SNTG2: variants seen among roughly 807,000 people sequenced by gnomAD.
The protein encoded by SNTG2 is syntrophin gamma 2, also known as gamma-2-syntrophin.
Under a neutral mutation model 70.9 loss-of-function variants are expected in SNTG2, and 74 were observed. The ratio of observed to expected loss-of-function variants is 1.04; its 90% CI spans 0.86 to 1.27. The LOEUF is 1.27. SNTG2 is among the 50% of genes most tolerant of loss of function. The pLI is 0.00. For synonymous variants in SNTG2, 278 were observed against 273.8 expected, an observed-to-expected ratio of 1.02 and a Z score of -0.15; for missense variants, 717 against 690.7, an observed-to-expected ratio of 1.04 and a Z score of -0.43.
At chr2:1,201,883 A>G (rs914036012) in intron 8 of SNTG2, among the ~76,000 whole-genome samples, 2 of 152,072 alleles carry the variant, frequency 1.3e-5, no homozygotes, top group South Asian at 4.1e-4. Flanking sequence ...AATAGGAGTG[A>G]ACATGAAGCA....
At chr2:1,036,824 C>A (rs1292266788) in intron 1 of SNTG2, among the ~76,000 whole-genome samples, 1 of 152,192 alleles carries the variant, frequency 6.6e-6, no homozygotes, top group African/African-American at 2.4e-5. Flanking sequence ...CCTTGCCCAG[C>A]GTTTGTCTTG....
chr2:1,195,866 C>T (rs376109391), intron 8 of SNTG2, among the ~76,000 whole-genome samples: 11 of 151,694 alleles, frequency 7.3e-5, no homozygotes, highest in East Asian at 1.9e-4. Context: ...ACTATTTTCC[C>T]GGGTTTAGTG....
At chr2:1,076,932 A>C (rs1041090021) in intron 1 of SNTG2, among the ~76,000 whole-genome samples, 6 of 152,350 alleles carry the variant, frequency 3.9e-5, no homozygotes, top group African/African-American at 1.4e-4. Flanking sequence ...CTATGTTTAC[A>C]TGTATATATG....
At chr2:1,182,152 G>T (rs1671947232) in intron 8 of SNTG2, among the ~76,000 whole-genome samples, 1 of 152,108 alleles carries the variant, frequency 6.6e-6, no homozygotes, top group Admixed American at 6.6e-5. Flanking sequence ...CCTTCACTCA[G>T]TGTTCTGGGT....
At chr2:1,212,683 A>T (rs575733131) in intron 9 of SNTG2, among the ~76,000 whole-genome samples, 1 of 152,194 alleles carries the variant, frequency 6.6e-6, no homozygotes, top group African/African-American at 2.4e-5. Context: ...GTTCTGAAAC[A>T]TATTTGTGCA....
intron 9 of SNTG2, among the ~76,000 whole-genome samples, chr2:1,222,222 C>G (rs1333234462): frequency 6.6e-6 from 1 of 151,952 alleles, no homozygotes; most frequent in Non-Finnish European, 1.5e-5. Flanking sequence ...CTTTTCACCT[C>G]TGAGGATTAT....
At chr2:966,668 C>T (rs1026319679) in intron 1 of SNTG2, among the ~76,000 whole-genome samples, 9 of 152,062 alleles carry the variant, frequency 5.9e-5, no homozygotes, top group South Asian at 2.1e-4. Flanking sequence ...ATAGTTTGGC[C>T]GGGCGCGGTG....
chr2:1,156,257 A>G (rs1669890605), intron 6 of SNTG2, among the ~76,000 whole-genome samples: 1 of 152,208 alleles, frequency 6.6e-6, no homozygotes. Context: ...GCAGAGGCTC[A>G]AAGGGAGGGA....
At chr2:1,333,331 G>T (rs936176210) in intron 16 of SNTG2, among the ~76,000 whole-genome samples, 2 of 152,110 alleles carry the variant, frequency 1.3e-5, no homozygotes, top group Non-Finnish European at 2.9e-5. Flanking sequence ...ACATCTCATG[G>T]TTATGAATGG....
intron 14 of SNTG2, among the ~76,000 whole-genome samples, chr2:1,305,273 A>C (rs77344642): frequency 0.01 from 1,579 of 152,362 alleles, 27 homozygotes; most frequent in African/African-American, 0.036. Context: ...TGACTACACC[A>C]AATGAGTTAC....
chr2:1,248,974 G>A (rs73175939), intron 12 of SNTG2, among the ~76,000 whole-genome samples: 1,907 of 152,342 alleles, frequency 0.013, 33 homozygotes, highest in African/African-American at 0.043. Context: ...CTTCACGGAA[G>A]TTATGTCCTG....
At chr2:1,113,390 G>A (rs1666657826) in intron 4 of SNTG2, among the ~76,000 whole-genome samples, 1 of 151,654 alleles carries the variant, frequency 6.6e-6, no homozygotes, top group South Asian at 2.1e-4. Flanking sequence ...AGGATCGTGT[G>A]TACTAAGGTT....
chr2:1,195,869 G>A (rs1248923885), intron 8 of SNTG2, among the ~76,000 whole-genome samples: 1 of 151,772 alleles, frequency 6.6e-6, no homozygotes, highest in Non-Finnish European at 1.5e-5. Context: ...ATTTTCCCGG[G>A]TTTAGTGATT....
intron 14 of SNTG2, among the ~76,000 whole-genome samples, chr2:1,281,318 T>TGTGG (rs1679516396): frequency 2.9e-3 from 4 of 1,366 alleles, no homozygotes; most frequent in Non-Finnish European, 5.4e-3. Flanking sequence ...GTGTGTGTGT[T>TGTGG]TGTGTGGTGT....
At chr2:1,123,117 T>C (rs950534402) in intron 4 of SNTG2, among the ~76,000 whole-genome samples, 1 of 152,152 alleles carries the variant, frequency 6.6e-6, no homozygotes. Flanking sequence ...TCATCATAAT[T>C]AATATTGCTA....
rs919133714 is a variant in SNTG2 at position 993,066 on chromosome 2, G to C, written c.72+41998G>C. ...TTGGTCATACAGTTGGTCTTTTGTG[G>C]GTTCTTTTTTTTTTTTTTTTTATTA... On this transcript the variant is annotated intron_variant, in intron 1 of 16. Coordinates refer to ENST00000308624, the MANE Select transcript of SNTG2 (RefSeq NM_018968.4). Among the ~76,000 whole-genome samples, 219 of 98,476 alleles carry C rather than the reference G, an allele frequency of 2.2e-3. No homozygotes were observed. In the Middle Eastern group the frequency reaches 0.023, roughly 10 times the overall value. The allele number at this position is 98,476 out of a possible 152,430, so 64.6% of individuals were successfully genotyped here.
chr2:1,302,770 G>A (rs1680513441), intron 14 of SNTG2, among the ~76,000 whole-genome samples: 1 of 152,168 alleles, frequency 6.6e-6, no homozygotes, highest in African/African-American at 2.4e-5. Flanking sequence ...TAACCATGTA[G>A]ATGGTTTGAA....
At chr2:1,005,208 G>A (rs148155003) in intron 1 of SNTG2, among the ~76,000 whole-genome samples, 1 of 152,302 alleles carries the variant, frequency 6.6e-6, no homozygotes, top group Non-Finnish European at 1.5e-5. Flanking sequence ...AGGATGTTCA[G>A]GGCAGTGAAA....
intron 6 of SNTG2, among the ~76,000 whole-genome samples, chr2:1,151,329 C>CCTGTG (rs1669484539): frequency 6.5e-5 from 1 of 15,356 alleles, no homozygotes. Flanking sequence ...GTGTCCCACT[C>CCTGTG]CTGTGCACAG....
Sources: allele counts gnomAD v4.1 joint callset (sites outside exome capture counted in the v4.1 genomes callset), GRCh38; gene constraint gnomAD v4.1.1; transcripts MANE v1.5; gene names NCBI Gene and HGNC (gene_info 2026-07-23, HGNC 2026-07-21).